Variants in XKR6 observed in about 807,000 individuals in gnomAD.
XKR6 encodes XK related 6, also known as XK-related protein 6.
XKR6 carries 22 observed loss-of-function variants against 56.7 expected under a neutral mutation model. The observed-to-expected ratio is 0.39, with a 90% CI of 0.28 to 0.55. The LOEUF (loss-of-function observed/expected upper bound fraction) is 0.55, where lower values mean the gene tolerates loss of function less well. Ranked by LOEUF, XKR6 falls within the 20% of genes least tolerant of loss-of-function variation. The pLI is 0.66. For synonymous variants in XKR6, 524 were observed against 387.8 expected, an observed-to-expected ratio of 1.35 and a Z score of -4.13; for missense variants, 852 against 889.0, an observed-to-expected ratio of 0.96 and a Z score of 0.53.
rs558140595 is a variant in XKR6, at chr8:11,156,783, C to G, written c.764+43793G>C. On this transcript the variant is annotated intron_variant, in intron 1 of 2. Transcript: ENST00000416569. ...ATTCTAAATGACGTAGGTAAATACT[C>G]CCCAGTCCAGGAGGTGATGCCTAAC... Among the ~76,000 whole-genome samples the G allele has an allele frequency of 2.6e-5, 4 of 152,052 alleles. No homozygotes were observed. The East Asian group carries it at 5.8e-4, about 22-fold the overall frequency.
intron 1 of XKR6, among the ~76,000 whole-genome samples, chr8:11,132,004 C>T (rs1007671750): frequency 6.6e-6 from 1 of 152,102 alleles, no homozygotes; most frequent in African/African-American, 2.4e-5. Flanking sequence ...CCTAGTGCTG[C>T]TGGCCCGAAG....
At chr8:11,061,952 C>A (rs1329208797) in intron 1 of XKR6, among the ~76,000 whole-genome samples, 4 of 152,194 alleles carry the variant, frequency 2.6e-5, no homozygotes, top group Non-Finnish European at 5.9e-5. Context: ...TCGGCTGGCC[C>A]TGCTCCTCCC....
chr8:11,088,529 G>C (rs1797965925), intron 1 of XKR6, among the ~76,000 whole-genome samples: 1 of 152,208 alleles, frequency 6.6e-6, no homozygotes. Context: ...TAGGCTCTCA[G>C]TAAATGAAAG....
At chr8:11,098,227 A>G (rs1261330391) in intron 1 of XKR6, among the ~76,000 whole-genome samples, 1 of 151,628 alleles carries the variant, frequency 6.6e-6, no homozygotes, top group Non-Finnish European at 1.5e-5. Flanking sequence ...ACACACACGC[A>G]CTCACACACG....
chr8:10,973,057 C>A (rs1263830209), intron 1 of XKR6, among the ~76,000 whole-genome samples: 3 of 152,118 alleles, frequency 2.0e-5, no homozygotes, highest in African/African-American at 7.2e-5. Flanking sequence ...ATAGACGAGG[C>A]TTACGATTAG....
At chr8:10,951,150 A>C (rs1278584973) in intron 1 of XKR6, among the ~76,000 whole-genome samples, 10 of 152,214 alleles carry the variant, frequency 6.6e-5, no homozygotes. Flanking sequence ...TCTGGAGGCC[A>C]CAGCACCCCA....
Position 10,900,979 on chromosome 8 carries a change from T to G in XKR6, c.962-2063A>C, listed in dbSNP as rs139167594. Among the ~76,000 whole-genome samples, 141 of 149,592 alleles carry G rather than the reference T, an allele frequency of 9.4e-4. 3 individuals carry two copies. The East Asian group carries it at 0.025, about 27-fold the overall frequency. ...AAGTGATCCTCCCGTCTCCCATACA[T>G]GGGACCGCAGGCATGCTCCAGTGAG... On this transcript the variant is annotated intron_variant, in intron 2 of 2. Coordinates refer to ENST00000416569, the MANE Select transcript of XKR6 (RefSeq NM_173683.4).
intron 1 of XKR6, among the ~76,000 whole-genome samples, chr8:11,134,811 T>C (rs569142125): frequency 6.6e-4 from 101 of 152,128 alleles, no homozygotes; most frequent in Non-Finnish European, 1.2e-3. Flanking sequence ...CAGCAAGAAT[T>C]AGAAAAGGCC....
At chr8:10,900,448 A>G (rs1476579661) in intron 2 of XKR6, among the ~76,000 whole-genome samples, 4 of 152,200 alleles carry the variant, frequency 2.6e-5, no homozygotes, top group African/African-American at 4.8e-5. Context: ...ATCATGTCAC[A>G]TGAAGCTCAG....
intron 1 of XKR6, among the ~76,000 whole-genome samples, chr8:11,132,786 C>CACACACACACAT (rs61142313): frequency 1.3e-5 from 2 of 150,974 alleles, no homozygotes; most frequent in Non-Finnish European, 1.5e-5. Context: ...CACACACACA[C>CACACACACACAT]GCACATTTTT....
rs778392832 is a variant in XKR6 at position 10,898,997 on chromosome 8, C to T, written c.962-81G>A. On this transcript the variant is annotated intron_variant, in intron 2 of 2. Coordinates refer to ENST00000416569, the MANE Select transcript of XKR6 (RefSeq NM_173683.4). The surrounding 1 kb of genome is among the most constrained non-coding windows in gnomAD (Gnocchi z 6.6). The stretch of plus-strand genomic sequence containing the variant: ...ACAGTGAAGCTGCCGGCTGAGGAGA[C>T]GCCCACATACACCACGATCTAAAGG... The T allele has an allele frequency of 1.5e-5, 23 of 1,504,348 alleles. No homozygotes were observed. Among genetic ancestry groups the T allele is most frequent in the Middle Eastern group, 1.8e-4 (1 of 5,470 alleles). 93.2% of individuals were successfully genotyped at this position (1,504,348 alleles called of 1,614,324 possible).
At chr8:11,114,581 G>C (rs1586563143) in intron 1 of XKR6, among the ~76,000 whole-genome samples, 3 of 152,120 alleles carry the variant, frequency 2.0e-5, no homozygotes, top group East Asian at 3.9e-4. Context: ...GGCTGGTCTT[G>C]AACTCCTGAC....
chr8:10,971,619 G>A (rs1055122739), intron 1 of XKR6, among the ~76,000 whole-genome samples: 1 of 152,092 alleles, frequency 6.6e-6, no homozygotes, highest in Non-Finnish European at 1.5e-5. Flanking sequence ...CTTACCTGAG[G>A]CCAATCAGTG....
chr8:11,168,518 A>T lies in XKR6; in HGVS notation c.764+32058T>A, dbSNP rs547540515. 7.9e-5 allele frequency among the ~76,000 whole-genome samples: 12 copies of T among 152,304 alleles called. No homozygotes were observed. The South Asian group carries it at 2.3e-3, about 29-fold the overall frequency. ...CAAAAGATAAATAGGGAAACAGAGA[A>T]TTTGTACAACACATAAACCAACTAG... On this transcript the variant is annotated intron_variant, in intron 1 of 2. Coordinates refer to ENST00000416569, the MANE Select transcript of XKR6 (RefSeq NM_173683.4).
At chr8:10,912,306 G>GTATATATATATATATA (rs535084135) in intron 2 of XKR6, among the ~76,000 whole-genome samples, 7 of 55,246 alleles carry the variant, frequency 1.3e-4, no homozygotes, top group Admixed American at 2.7e-4. Flanking sequence ...AAGAGAGGGT[G>GTATATATATATATATA]TATATATATA....
At chr8:10,958,850 C>G (rs1801974028) in intron 1 of XKR6, among the ~76,000 whole-genome samples, 1 of 152,220 alleles carries the variant, frequency 6.6e-6, no homozygotes. Flanking sequence ...GCCTTAGGAA[C>G]TATTATTGTC....
intron 1 of XKR6, among the ~76,000 whole-genome samples, chr8:11,091,022 G>A (rs1038341753): frequency 1.3e-5 from 2 of 152,146 alleles, no homozygotes; most frequent in Non-Finnish European, 2.9e-5. Context: ...CTTCCTCCAA[G>A]TTCTCTTCTA....
At chr8:10,998,286 C>T (rs1271347058) in intron 1 of XKR6, among the ~76,000 whole-genome samples, 2 of 149,660 alleles carry the variant, frequency 1.3e-5, no homozygotes, top group East Asian at 1.9e-4. Flanking sequence ...CACACACATA[C>T]ACACACACAC....
chr8:10,973,381 AC>A (rs1313424014), intron 1 of XKR6, among the ~76,000 whole-genome samples: 2 of 152,054 alleles, frequency 1.3e-5, no homozygotes, highest in East Asian at 3.9e-4. Context: ...TGGCCCCTGG[AC>A]CCCAACCTGA....
Sources: allele counts gnomAD v4.1 joint callset (sites outside exome capture counted in the v4.1 genomes callset), GRCh38; gene constraint gnomAD v4.1.1; non-coding constraint Gnocchi (gnomAD v3.1); transcripts MANE v1.5; gene names NCBI Gene and HGNC (gene_info 2026-07-23, HGNC 2026-07-21).